Variants in NXN observed in about 807,000 individuals in gnomAD.
NXN encodes the protein nucleoredoxin 1.
Under a neutral mutation model 48.6 loss-of-function variants are expected in NXN, and 16 were observed. The observed-to-expected ratio is 0.33, with a 90% confidence interval of 0.22 to 0.50. The LOEUF is 0.50. Among genes scored for constraint, NXN ranks in the 20% least tolerant of loss-of-function variants. NXN has a pLI of 0.98. For missense variants in NXN, 492 were observed against 605.5 expected, an observed-to-expected ratio of 0.81 and a Z score of 1.97; for synonymous variants, 281 against 269.6, an observed-to-expected ratio of 1.04 and a Z score of -0.41.
At chr17:802,415 A>G (rs1911255394) in intron 7 of NXN, among the ~76,000 whole-genome samples, 2 of 152,318 alleles carry the variant, frequency 1.3e-5, no homozygotes, top group South Asian at 2.1e-4. Flanking sequence ...GACAGCGACT[A>G]CGTTCCCAGC....
rs147648340 is a variant in NXN at position 977,479 on chromosome 17, C to G, written c.360+1840G>C. On this transcript the variant is annotated intron_variant, in intron 1 of 7. Coordinates refer to ENST00000336868, the MANE Select transcript of NXN (RefSeq NM_022463.5). ...ATAGAGAGCCAGCCATGGCCCATGT[C>G]CTATCAAATATTCTCCTTTTTCGGA... 2.6e-5 allele frequency among the ~76,000 whole-genome samples: 4 copies of G among 152,338 alleles called. No individual in the cohort carries two copies. In the East Asian group the frequency reaches 7.7e-4, roughly 29 times the overall value.
intron 1 of NXN, among the ~76,000 whole-genome samples, chr17:901,704 T>G (rs1158503261): frequency 6.6e-6 from 1 of 152,036 alleles, no homozygotes; most frequent in Non-Finnish European, 1.5e-5. Context: ...TTTTTTGTTT[T>G]GTTCTGTTTT....
intron 1 of NXN, among the ~76,000 whole-genome samples, chr17:841,876 T>C (rs1311641197): frequency 1.3e-5 from 2 of 152,086 alleles, no homozygotes; most frequent in Non-Finnish European, 2.9e-5. Flanking sequence ...GCGGCTCACG[T>C]CTGTAATCCC....
intron 1 of NXN, among the ~76,000 whole-genome samples, chr17:915,884 C>CCCCAAAAATGGGCAGCCACTTATGGTGT (rs1405159846): frequency 6.6e-6 from 1 of 151,984 alleles, no homozygotes; most frequent in African/African-American, 2.4e-5. Flanking sequence ...GCTGGAACTT[C>CCCCAAAAATGGGCAGCCACTTATGGTGT]CAGCTGCTCC....
intron 1 of NXN, among the ~76,000 whole-genome samples, chr17:890,074 T>C (rs183319025): frequency 2.0e-5 from 3 of 152,190 alleles, no homozygotes; most frequent in Admixed American, 2.0e-4. Flanking sequence ...ACACCTCATG[T>C]GTAAAGGATC....
chr17:842,564 G>A (rs558956128), intron 1 of NXN: 25 of 985,368 alleles, frequency 2.5e-5, no homozygotes, highest in African/African-American at 2.3e-4. Context: ...GGCACATCCC[G>A]AGACACGTGG....
At position 803,733 on chromosome 17, in the gene NXN, C is replaced by T. The variant is rs1431600923; in HGVS notation, c.1074G>A (p.Lys358=). ...IQPIAEKIIA[K]YKAKEEEAPL... ...GTGCCTCCTCCTCTTTGGCTTTGTA[C>T]TTGGCAATGATTTTCTCAGCTATCG... Residue 358 remains lysine (K), a synonymous_variant, in exon 7 of 8, where the codon AAG becomes AAA. Coordinates refer to ENST00000336868, the MANE Select transcript of NXN (RefSeq NM_022463.5). The T allele has an allele frequency of 1.9e-6, 3 of 1,614,244 alleles. No homozygotes were observed. The highest frequency in any genetic ancestry group is 1.3e-5 in the African/African-American group (1 of 75,068).
intron 5 of NXN, among the ~76,000 whole-genome samples, chr17:810,763 C>G (rs986594202): frequency 1.3e-5 from 2 of 152,134 alleles, no homozygotes; most frequent in Non-Finnish European, 2.9e-5. Context: ...GTAGCGCACC[C>G]CTGTACTCCC....
chr17:905,061 C>A (rs62070208), intron 1 of NXN: 19,236 of 151,968 alleles, frequency 0.13, 1,482 homozygotes, highest in East Asian at 0.27. Flanking sequence ...TACACTCTGC[C>A]AATGAATCAA....
At chr17:818,405 T>C (rs1355139799) in intron 5 of NXN, among the ~76,000 whole-genome samples, 1 of 151,992 alleles carries the variant, frequency 6.6e-6, no homozygotes, top group Non-Finnish European at 1.5e-5. Context: ...ACTTTACTTA[T>C]TCATGCTCCC....
chr17:957,595 G>A (rs2069186484), intron 1 of NXN, among the ~76,000 whole-genome samples: 4 of 150,522 alleles, frequency 2.7e-5, no homozygotes, highest in African/African-American at 9.8e-5. Flanking sequence ...TCAAGCCACT[G>A]CACTCCAGCC....
At chr17:892,558 C>T (rs941846756) in intron 1 of NXN, among the ~76,000 whole-genome samples, 5 of 151,952 alleles carry the variant, frequency 3.3e-5, no homozygotes, top group African/African-American at 4.8e-5. Flanking sequence ...CACTCACAAA[C>T]GCACCTGGCA....
At chr17:904,951 G>T (rs1020056967) in intron 1 of NXN, among the ~76,000 whole-genome samples, 1 of 152,084 alleles carries the variant, frequency 6.6e-6, no homozygotes, top group Non-Finnish European at 1.5e-5. Context: ...CCCCTGCAAG[G>T]TCTGTTTCCC....
Position 920,669 on chromosome 17 carries a change from G to A in NXN, c.360+58650C>T, listed in dbSNP as rs771879705. On this transcript the variant is annotated intron_variant, in intron 1 of 7. Transcript: ENST00000336868. This position sits in a 1 kb window ranked among gnomAD's most constrained non-coding sequence, Gnocchi z 4.6. ...TCTCAATGAGGTCTTCATTCATACCGCCTTGCCAATCGCCCTCAAAATCAC... is the reference window on the plus strand; with the variant it reads ...TCTCAATGAGGTCTTCATTCATACCACCTTGCCAATCGCCCTCAAAATCAC... Among the ~76,000 whole-genome samples the A allele has an allele frequency of 5.3e-5, 8 of 151,344 alleles. No homozygotes were observed. The highest frequency in any genetic ancestry group is 2.1e-4 in the South Asian group (1 of 4,800).
chr17:841,200 T>C (rs1914155511), intron 1 of NXN, among the ~76,000 whole-genome samples: 1 of 152,216 alleles, frequency 6.6e-6, no homozygotes, highest in Non-Finnish European at 1.5e-5. Flanking sequence ...CACACGTGAA[T>C]ACTTCTCATG....
chr17:812,121 G>A (rs1002531975), intron 5 of NXN, among the ~76,000 whole-genome samples: 9 of 150,316 alleles, frequency 6.0e-5, no homozygotes, highest in African/African-American at 1.7e-4. Context: ...TAGAGACGGG[G>A]TTTCACCGTG....
chr17:849,016 T>A lies in NXN; in HGVS notation c.361-22938A>T, dbSNP rs926205990. Among the ~76,000 whole-genome samples, 2 of 152,204 alleles carry A rather than the reference T, an allele frequency of 1.3e-5. No homozygotes were observed. The highest frequency in any genetic ancestry group is 2.9e-5 in the Non-Finnish European group (2 of 68,042). On this transcript the variant is annotated intron_variant, in intron 1 of 7. Coordinates refer to ENST00000336868, the MANE Select transcript of NXN (RefSeq NM_022463.5). This position sits in a 1 kb window ranked among gnomAD's most constrained non-coding sequence, Gnocchi z 4.2. ...TTGTGCCAGACGGTATGGGGTCAGA[T>A]CAAGACAAAGGTCTTCGCCTTCGAG...
intron 1 of NXN, among the ~76,000 whole-genome samples, chr17:899,976 T>C (rs1465362929): frequency 6.6e-6 from 1 of 152,022 alleles, no homozygotes; most frequent in Non-Finnish European, 1.5e-5. Context: ...CACTAAAACT[T>C]TTCTGAGGGC....
rs758992230 is a variant in NXN at position 958,958 on chromosome 17, C to CACACAT, written c.360+20360_360+20361insATGTGT. On this transcript the variant is annotated intron_variant, in intron 1 of 7. Transcript: ENST00000336868. This position sits in a 1 kb window ranked among gnomAD's most constrained non-coding sequence, Gnocchi z 6.9. ...AAAAAGAAACACACACACACACATA[C>CACACAT]ACACACACACACACGATACGAGTTC... The CACACAT allele has an allele frequency of 2.3e-4, 37 of 160,960 alleles. No individual in the cohort carries two copies. Among genetic ancestry groups the CACACAT allele is most frequent in the Non-Finnish European group, 3.8e-4 (28 of 73,720 alleles). 10.0% of individuals were successfully genotyped at this position (160,960 alleles called of 1,614,324 possible).
Sources: allele counts gnomAD v4.1 joint callset (sites outside exome capture counted in the v4.1 genomes callset), GRCh38; gene constraint gnomAD v4.1.1; non-coding constraint Gnocchi (gnomAD v3.1); transcripts MANE v1.5; gene names NCBI Gene and HGNC (gene_info 2026-07-23, HGNC 2026-07-21).